Variants in ALDH1L1 observed in about 807,000 individuals in gnomAD.
ALDH1L1 encodes the protein cytosolic 10-formyltetrahydrofolate dehydrogenase.
ALDH1L1 carries 68 observed loss-of-function variants against 101.1 expected under a neutral mutation model. The observed-to-expected ratio is 0.67, with a 90% CI of 0.55 to 0.82. The LOEUF (loss-of-function observed/expected upper bound fraction) is 0.82, where lower values mean the gene tolerates loss of function less well. ALDH1L1 is among the 40% of genes least tolerant of loss of function. The probability of loss-of-function intolerance (pLI) is 0.00; values close to 1 mark genes in which losing one functional copy is unlikely to be tolerated. For missense variants in ALDH1L1, 1,087 were observed against 1,172.7 expected (o/e 0.93, Z 1.07); for synonymous variants, 486 against 470.8 (o/e 1.03, Z -0.42).
chr3:126,134,822 A>G lies in ALDH1L1; in HGVS notation c.1472+713T>C, dbSNP rs533066280. Among the ~76,000 whole-genome samples the G allele has an allele frequency of 2.6e-5, 4 of 152,236 alleles. No homozygotes were observed. The South Asian group carries it at 8.3e-4, about 32-fold the overall frequency. On this transcript the variant is annotated intron_variant, in intron 12 of 22. Coordinates refer to ENST00000393434, the MANE Select transcript of ALDH1L1 (RefSeq NM_012190.4). Reference sequence around the variant, plus strand: ...ACCCCAGCGAAAGAGCCAGGCCCCAAGACACCTGTGTTCTCGGCTCATCTG... The same window carrying G: ...ACCCCAGCGAAAGAGCCAGGCCCCAGGACACCTGTGTTCTCGGCTCATCTG...
intron 9 of ALDH1L1, among the ~76,000 whole-genome samples, chr3:126,143,873 A>T (rs1385915870): frequency 2.0e-5 from 3 of 152,206 alleles, no homozygotes; most frequent in Non-Finnish European, 4.4e-5. Flanking sequence ...GAGCCCAAGA[A>T]TTTGAGGCTG....
At chr3:126,180,990 G>A (rs544371001), upstream of ALDH1L1, 9 of 1,609,190 alleles carry the variant, frequency 5.6e-6, no homozygotes, top group Non-Finnish European at 7.6e-6. Flanking sequence ...ACAGCAGAGC[G>A]AAAGGAGACG....
intron 18 of ALDH1L1, among the ~76,000 whole-genome samples, chr3:126,113,562 C>T (rs893445941): frequency 1.3e-5 from 2 of 152,218 alleles, no homozygotes; most frequent in East Asian, 1.9e-4. Flanking sequence ...GGGCCCCGAC[C>T]TCCAGCTCAG....
At chr3:126,110,135 G>T in intron 19 of ALDH1L1, 26 bp from the exon 20 acceptor site, 1 of 1,612,492 alleles carries the variant, frequency 6.2e-7, no homozygotes. Flanking sequence ...CAAGTCAGGT[G>T]TGGCTTGTGC....
intron 1 of ALDH1L1, among the ~76,000 whole-genome samples, chr3:126,172,097 AC>A (rs1449295188): frequency 6.6e-6 from 1 of 152,228 alleles, no homozygotes; most frequent in Admixed American, 6.5e-5. Context: ...TAACTCCTAG[AC>A]AGGTAAATAT....
chr3:126,160,827 C>T, intron 2 of ALDH1L1, 26 bp downstream of exon 2: 1 of 1,610,032 alleles, frequency 6.2e-7, no homozygotes, highest in Non-Finnish European at 8.5e-7. Context: ...CCTCCATCAG[C>T]TTCCCTGCTC....
In ALDH1L1 at chr3:126,105,781, G is replaced by A. The variant is rs561296762; in HGVS notation, c.2598C>T (p.Thr866=). 38 of 1,614,200 alleles carry A rather than the reference G, an allele frequency of 2.4e-5. No homozygotes were observed. The highest frequency in any genetic ancestry group is 1.7e-4 in the African/African-American group (13 of 75,044). Residue 866 remains threonine (T), a synonymous_variant, in exon 22 of 23, where the codon ACC becomes ACT. Transcript: ENST00000393434. The part of the protein sequence containing the change: ...GTVFVNTYNK[T]DVAAPFGGFK... The stretch of plus-strand genomic sequence containing the variant: ...ATCCTCCGAAGGGAGCGGCCACGTC[G>A]GTCTTGTTGTACGTGTTGACAAACA...
intron 16 of ALDH1L1, among the ~76,000 whole-genome samples, chr3:126,123,320 C>T (rs2080115776): frequency 6.6e-6 from 1 of 150,550 alleles, no homozygotes; most frequent in African/African-American, 2.5e-5. Context: ...TGCAGTGGCA[C>T]AATCTCGGAT....
At position 126,136,894 on chromosome 3, in the gene ALDH1L1, G is replaced by T; in HGVS notation, c.1225-11C>A. The T allele has an allele frequency of 6.2e-7, 1 of 1,613,532 alleles. No individual in the cohort carries two copies. Among genetic ancestry groups the T allele is most frequent in the Non-Finnish European group, 8.5e-7 (1 of 1,179,828 alleles). The stretch of plus-strand genomic sequence containing the variant: ...CACTGCCATTTCCACCTGAAAGAAA[G>T]GCCCCAGTGACAAGCACAAACCCAT... On this transcript the variant is annotated splice_polypyrimidine_tract_variant and intron_variant, in intron 10 of 22. Coordinates refer to ENST00000393434, the MANE Select transcript of ALDH1L1 (RefSeq NM_012190.4).
At chr3:126,169,533 C>T (rs1003630256) in intron 1 of ALDH1L1, among the ~76,000 whole-genome samples, 3 of 152,170 alleles carry the variant, frequency 2.0e-5, no homozygotes, top group Non-Finnish European at 4.4e-5. Flanking sequence ...ATTTTGTGTG[C>T]ACAGTCCCTG....
At chr3:126,147,890 G>A (rs1022656338) in intron 8 of ALDH1L1, among the ~76,000 whole-genome samples, 3 of 152,226 alleles carry the variant, frequency 2.0e-5, no homozygotes, top group Non-Finnish European at 4.4e-5. Flanking sequence ...CCACACACCT[G>A]CTGCCTGCCC....
chr3:126,138,243 C>G (rs895935070), intron 9 of ALDH1L1, among the ~76,000 whole-genome samples: 4 of 152,190 alleles, frequency 2.6e-5, no homozygotes, highest in Admixed American at 6.5e-5. Flanking sequence ...AATAGCTGCT[C>G]TGCTATTTTG....
At chr3:126,136,588 C>T (rs1288035217) in intron 11 of ALDH1L1, among the ~76,000 whole-genome samples, 176 bp downstream of exon 11, 2 of 152,080 alleles carry the variant, frequency 1.3e-5, no homozygotes, top group Non-Finnish European at 2.9e-5. Context: ...ACCTCCTCTC[C>T]ACTCCACTCC....
upstream of ALDH1L1, chr3:126,181,287 C>T (rs2081471775): frequency 2.1e-6 from 1 of 466,488 alleles, no homozygotes; most frequent in Non-Finnish European, 4.0e-6. Flanking sequence ...TGACTGCAAG[C>T]CTGTGTCCAG....
intron 5 of ALDH1L1, among the ~76,000 whole-genome samples, chr3:126,154,874 T>C (rs139414479): frequency 1.3e-3 from 205 of 152,264 alleles, no homozygotes; most frequent in Non-Finnish European, 2.5e-3. Flanking sequence ...TAATGTTCTG[T>C]TGCTGTCAAG....
chr3:126,130,456 G>T (rs1399069561), intron 13 of ALDH1L1, among the ~76,000 whole-genome samples, 163 bp from the exon 14 acceptor site: 1 of 152,254 alleles, frequency 6.6e-6, no homozygotes. Context: ...GAGGGGCAAG[G>T]TGTTTGCTCC....
chr3:126,153,216 G>A, intron 7 of ALDH1L1: 1 of 625,958 alleles, frequency 1.6e-6, no homozygotes, highest in South Asian at 1.8e-5. Flanking sequence ...GCCAGGAAGG[G>A]TAGGGAGCCC....
chr3:126,170,171 G>A (rs948388349), intron 1 of ALDH1L1, among the ~76,000 whole-genome samples: 2 of 152,030 alleles, frequency 1.3e-5, no homozygotes, highest in African/African-American at 4.8e-5. Flanking sequence ...ACTTTTTGTC[G>A]TTTCTACTTC....
intron 12 of ALDH1L1, chr3:126,135,291 G>C: frequency 2.6e-6 from 1 of 390,980 alleles, no homozygotes; most frequent in Non-Finnish European, 4.5e-6. Context: ...ACCTCCACCA[G>C]GCACCTCCCC....
Sources: gnomAD v4.1 joint callset for allele counts (sites outside exome capture counted in the v4.1 genomes callset) on GRCh38, gnomAD v4.1.1 for gene constraint, MANE v1.5 for transcripts, NCBI Gene and HGNC (gene_info 2026-07-23, HGNC 2026-07-21) for gene names.